The following BTLA variants were observed in gnomAD, a reference collection of about 807,000 sequenced individuals.
BTLA encodes the protein B and T lymphocyte associated.
A neutral mutation model predicts 25.0 loss-of-function variants in BTLA; 11 were observed. The observed-to-expected ratio is 0.44, with a 90% CI of 0.28 to 0.73. The LOEUF (loss-of-function observed/expected upper bound fraction) is 0.73. Ranked by LOEUF, BTLA falls within the 30% of genes least tolerant of loss-of-function variation. BTLA has a pLI of 0.15. For missense variants in BTLA, 282 were observed against 332.8 expected (o/e 0.85, Z 1.19); for synonymous variants, 104 against 119.8 (o/e 0.87, Z 0.86).
At position 112,466,368 on chromosome 3, in the gene BTLA, T is replaced by C; in HGVS notation, c.610A>G (p.Lys204Glu). 6.2e-7 allele frequency: 1 copy of C among 1,603,920 alleles called. No homozygotes were observed. Among genetic ancestry groups the C allele is most frequent in the Non-Finnish European group, 8.5e-7 (1 of 1,173,390 alleles). The change falls in exon 5 of 5, where the codon AAG becomes GAG. Residue 204 changes from lysine to glutamate, a missense_variant. Lys to Glu is a moderately conservative substitution (Grantham distance 56). This residue lies in a region of BTLA where 119 missense variants were observed against 102.3 expected (regional missense o/e 1.16). Transcript: ENST00000334529. ...REINLVDAHL[K>E]SEQTEASTRQ... ...GTGCTTGCTTCTGTTTGCTCACTCT[T>C]AAGGTGAGCATCAACCTACAATAGA...
At chr3:112,480,833 A>C (rs967004113) in intron 1 of BTLA, among the ~76,000 whole-genome samples, 25 of 152,182 alleles carry the variant, frequency 1.6e-4, no homozygotes, top group African/African-American at 4.3e-4. Flanking sequence ...TTTCACATAC[A>C]AAATACATTC....
chr3:112,476,135 G>GT (rs1340215381), intron 2 of BTLA, among the ~76,000 whole-genome samples: 1 of 152,214 alleles, frequency 6.6e-6, no homozygotes, highest in Non-Finnish European at 1.5e-5. Context: ...GAGCAAAGAT[G>GT]TTTAAGACAC....
chr3:112,489,912 C>T (rs2082370775), intron 1 of BTLA, among the ~76,000 whole-genome samples: 1 of 152,120 alleles, frequency 6.6e-6, no homozygotes, highest in Admixed American at 6.5e-5. Context: ...CTCAAATCTT[C>T]CCTTGAAATT....
At chr3:112,468,559 A>G (rs2107307717) in intron 4 of BTLA, among the ~76,000 whole-genome samples, 1 of 152,338 alleles carries the variant, frequency 6.6e-6, no homozygotes, top group East Asian at 1.9e-4. Flanking sequence ...ACCCTTTTGA[A>G]TTAAGCTTCA....
Position 112,465,825 on chromosome 3 carries a change from A to G in BTLA, c.*283T>C, listed in dbSNP as rs560622730. 26 of 266,168 alleles carry G rather than the reference A, an allele frequency of 9.8e-5. No individual in the cohort carries two copies. The highest frequency in any genetic ancestry group is 1.7e-4 in the Non-Finnish European group (24 of 142,028). The allele number at this position is 266,168 out of a possible 1,614,324, so 16.5% of individuals were successfully genotyped here. On this transcript the variant is annotated 3_prime_UTR_variant, in exon 5 of 5. Coordinates refer to ENST00000334529, the MANE Select transcript of BTLA (RefSeq NM_181780.4). ...AGATCGAGTTTGTATATTGGGTAAA[A>G]TGTAGCTAAGTTTAAACGTTCTACT...
intron 1 of BTLA, among the ~76,000 whole-genome samples, chr3:112,492,338 A>G (rs1285720208): frequency 6.6e-6 from 1 of 152,254 alleles, no homozygotes; most frequent in African/African-American, 2.4e-5. Context: ...CCTGTCCTTC[A>G]GAGAGGCTAA....
intron 2 of BTLA, 61 bp from the exon 3 acceptor site, chr3:112,471,416 C>T (rs1395415327): frequency 3.4e-5 from 53 of 1,543,318 alleles, no homozygotes; most frequent in Non-Finnish European, 4.5e-5. Flanking sequence ...GGATCAGCGG[C>T]ACCCCTCTGC....
At chr3:112,487,307 G>C (rs990311659) in intron 1 of BTLA, among the ~76,000 whole-genome samples, 2 of 152,138 alleles carry the variant, frequency 1.3e-5, no homozygotes, top group Admixed American at 1.3e-4. Context: ...GAAACCGGCC[G>C]GGCGTGGTGA....
intron 1 of BTLA, among the ~76,000 whole-genome samples, chr3:112,480,415 T>C (rs1374435049): frequency 6.6e-6 from 1 of 152,226 alleles, no homozygotes; most frequent in Non-Finnish European, 1.5e-5. Context: ...AGACACTGTC[T>C]TAGTCTGTTT....
In BTLA at chr3:112,485,244, C is replaced by T. The variant is rs1034976156; in HGVS notation, c.89-5475G>A. On this transcript the variant is annotated intron_variant, in intron 1 of 4. Transcript: ENST00000334529. The stretch of plus-strand genomic sequence containing the variant: ...ATTTTTAGTAGGGACGGGGTTTCGC[C>T]ATGTTAGCCAGGCTGATCTCGAACT... Among the ~76,000 whole-genome samples, 5 of 152,122 alleles carry T rather than the reference C, an allele frequency of 3.3e-5. No homozygotes were observed. In the East Asian group the frequency reaches 5.8e-4, roughly 18 times the overall value.
chr3:112,480,862 C>CAA (rs2082314431), intron 1 of BTLA, among the ~76,000 whole-genome samples: 1 of 152,086 alleles, frequency 6.6e-6, no homozygotes, highest in Non-Finnish European at 1.5e-5. Flanking sequence ...TCAATAGCCC[C>CAA]AAAAGTTTTA....
chr3:112,469,577 C>T (rs1038912502), intron 4 of BTLA, among the ~76,000 whole-genome samples, 181 bp downstream of exon 4: 1 of 129,490 alleles, frequency 7.7e-6, no homozygotes, highest in Admixed American at 8.3e-5. Context: ...GAGCAGAATG[C>T]AAAATTCACA....
At chr3:112,477,355 GTGT>G (rs1559825540) in intron 2 of BTLA, among the ~76,000 whole-genome samples, 2 of 17,948 alleles carry the variant, frequency 1.1e-4, no homozygotes, top group South Asian at 6.4e-3. Flanking sequence ...ATTATTTTCT[GTGT>G]TTTTTTTTTT....
chr3:112,466,733 A>G (rs1296789800), intron 4 of BTLA, among the ~76,000 whole-genome samples: 4 of 152,358 alleles, frequency 2.6e-5, no homozygotes, highest in African/African-American at 9.6e-5. Flanking sequence ...AGTTTATAAC[A>G]TGATGAATAG....
chr3:112,487,251 C>CAA (rs1288326519), intron 1 of BTLA, among the ~76,000 whole-genome samples: 4 of 152,156 alleles, frequency 2.6e-5, no homozygotes, highest in Non-Finnish European at 5.9e-5. Context: ...AAATATTTCA[C>CAA]CTCTGACATT....
At chr3:112,485,463 AG>A (rs770268758) in intron 1 of BTLA, among the ~76,000 whole-genome samples, 24 of 152,224 alleles carry the variant, frequency 1.6e-4, no homozygotes, top group Non-Finnish European at 1.8e-4. Context: ...ATCCCCCAAA[AG>A]TTTGTCTTAT....
intron 2 of BTLA, 66 bp from the exon 3 acceptor site, chr3:112,471,421 C>A: frequency 1.3e-6 from 2 of 1,517,392 alleles, no homozygotes; most frequent in South Asian, 2.5e-5. Context: ...AGCGGCACCC[C>A]TCTGCATTGT....
intron 1 of BTLA, among the ~76,000 whole-genome samples, chr3:112,482,182 T>C (rs981774244): frequency 6.6e-6 from 1 of 152,256 alleles, no homozygotes; most frequent in African/African-American, 2.4e-5. Context: ...AGTTCTTTCT[T>C]AGCCTTTCTT....
intron 1 of BTLA, among the ~76,000 whole-genome samples, chr3:112,493,466 C>T (rs1026271638): frequency 1.3e-5 from 2 of 152,092 alleles, no homozygotes; most frequent in African/African-American, 2.4e-5. Flanking sequence ...AAAAAACAAA[C>T]AACCGCATCA....
Sources: gnomAD v4.1 joint callset for allele counts (sites outside exome capture counted in the v4.1 genomes callset) on GRCh38, gnomAD v4.1.1 for gene constraint, gnomAD v4.1.1 regional missense constraint, MANE v1.5 for transcripts, NCBI Gene and HGNC (gene_info 2026-07-23, HGNC 2026-07-21) for gene names.